Variants in SLC5A4 observed in about 807,000 individuals in gnomAD.
The protein encoded by SLC5A4 is probable glucose sensor protein SLC5A4.
SLC5A4 carries 55 observed loss-of-function variants against 70.3 expected under a neutral mutation model. That is an observed-to-expected ratio of 0.78 (90% CI 0.63 to 0.98). SLC5A4 has a LOEUF of 0.98. SLC5A4 is among the 50% of genes least tolerant of loss of function. The probability of loss-of-function intolerance (pLI) is 0.00; values close to 1 mark genes in which losing one functional copy is unlikely to be tolerated. For missense variants in SLC5A4, 735 were observed against 839.2 expected, an observed-to-expected ratio of 0.88 and a Z score of 1.53; for synonymous variants, 268 against 305.7, an observed-to-expected ratio of 0.88 and a Z score of 1.29.
At chr22:32,348,108 C>T in the SLC5A4 span, among the ~76,000 whole-genome samples, 157 of 152,268 alleles carry the variant, frequency 1.0e-3, 1 homozygote, top group Non-Finnish European at 1.7e-3. Context: ...AGTAAATCCT[C>T]CATAAACATG....
chr22:32,232,151 G>A (rs1925797887), intron 9 of SLC5A4, among the ~76,000 whole-genome samples: 1 of 152,192 alleles, frequency 6.6e-6, no homozygotes, highest in Non-Finnish European at 1.5e-5. Context: ...AAGTGGGTGA[G>A]GTTACAGGCG....
intron 1 of SLC5A4, among the ~76,000 whole-genome samples, chr22:32,254,672 C>CGG (rs1569384953): frequency 1.8e-4 from 27 of 151,962 alleles, no homozygotes; most frequent in African/African-American, 6.5e-4. Context: ...GGCGTGGTGG[C>CGG]GCATGCCTGT....
chr22:32,259,999 G>A (rs1239224512), upstream of SLC5A4, among the ~76,000 whole-genome samples: 1 of 152,228 alleles, frequency 6.6e-6, no homozygotes, highest in African/African-American at 2.4e-5. Context: ...CCCAGGAAGG[G>A]CAGGGGAGCA....
chr22:32,236,258 T>C (rs1262514157), intron 7 of SLC5A4, among the ~76,000 whole-genome samples: 1 of 152,176 alleles, frequency 6.6e-6, no homozygotes, highest in Non-Finnish European at 1.5e-5. Flanking sequence ...CAAAGATAAA[T>C]ACCATAATAA....
intron 3 of SLC5A4, among the ~76,000 whole-genome samples, chr22:32,250,981 A>C (rs778919039): frequency 4.6e-5 from 7 of 151,880 alleles, no homozygotes; most frequent in Non-Finnish European, 7.4e-5. Context: ...GGAGAGGGAG[A>C]GCATTAGAAC....
chr22:32,302,718 T>G, the SLC5A4 span, among the ~76,000 whole-genome samples: 12 of 152,244 alleles, frequency 7.9e-5, no homozygotes, highest in Non-Finnish European at 1.5e-5. Context: ...GACTTGATTG[T>G]TATAGCTATA....
the SLC5A4 span, among the ~76,000 whole-genome samples, chr22:32,317,136 C>T: frequency 6.6e-6 from 1 of 151,970 alleles, no homozygotes; most frequent in South Asian, 2.1e-4. Flanking sequence ...CCAAACCAAA[C>T]TTTGCCACCA....
At chr22:32,290,261 C>G in the SLC5A4 span, among the ~76,000 whole-genome samples, 17 of 152,198 alleles carry the variant, frequency 1.1e-4, no homozygotes, top group African/African-American at 4.1e-4. Flanking sequence ...CCCCCATCCC[C>G]TGACAGGCCC....
the SLC5A4 span, among the ~76,000 whole-genome samples, chr22:32,303,903 T>C: frequency 2.0e-5 from 3 of 152,238 alleles, no homozygotes; most frequent in South Asian, 6.2e-4. Flanking sequence ...GGGTACCATT[T>C]TGCATTCCCA....
chr22:32,260,574 G>A, the SLC5A4 span, among the ~76,000 whole-genome samples: 2,661 of 151,944 alleles, frequency 0.018, 85 homozygotes, highest in African/African-American at 0.062. Context: ...GGATAGACAG[G>A]GAAAGAAACA....
intron 5 of SLC5A4, 76 bp downstream of exon 5, chr22:32,247,335 A>G: frequency 1.2e-6 from 1 of 829,896 alleles, no homozygotes; most frequent in Non-Finnish European, 2.1e-6. Context: ...CTACACATCC[A>G]GCTCTCTGAT....
the SLC5A4 span, among the ~76,000 whole-genome samples, chr22:32,309,967 C>T: frequency 2.6e-3 from 399 of 151,434 alleles, 3 homozygotes; most frequent in Middle Eastern, 0.024. Flanking sequence ...AGCCCAGCTG[C>T]CCAAGAGGGA....
the SLC5A4 span, chr22:32,270,274 T>G: frequency 1.3e-6 from 1 of 759,266 alleles, no homozygotes; most frequent in Non-Finnish European, 2.4e-6. Context: ...GTCTGAAGAG[T>G]TTCAGAACAA....
chr22:32,275,642 A>G, the SLC5A4 span, among the ~76,000 whole-genome samples: 1 of 152,160 alleles, frequency 6.6e-6, no homozygotes, highest in South Asian at 2.1e-4. Flanking sequence ...GTTGGTTCCA[A>G]GTCTTTGCTA....
the SLC5A4 span, among the ~76,000 whole-genome samples, chr22:32,350,544 G>A: frequency 6.6e-6 from 1 of 152,102 alleles, no homozygotes; most frequent in Non-Finnish European, 1.5e-5. Flanking sequence ...AGGAGACTGT[G>A]ATGCCTTTAG....
chr22:32,284,287 A>G, the SLC5A4 span, among the ~76,000 whole-genome samples: 1 of 152,234 alleles, frequency 6.6e-6, no homozygotes, highest in Non-Finnish European at 1.5e-5. Context: ...TTTTTAAACC[A>G]AGTCCTCATT....
the SLC5A4 span, among the ~76,000 whole-genome samples, chr22:32,355,048 G>C: frequency 6.6e-6 from 1 of 151,936 alleles, no homozygotes; most frequent in Admixed American, 6.5e-5. Flanking sequence ...GCTGACGCAG[G>C]AGAGCTTGGA....
chr22:32,266,182 G>A, the SLC5A4 span, among the ~76,000 whole-genome samples: 1 of 152,192 alleles, frequency 6.6e-6, no homozygotes, highest in Non-Finnish European at 1.5e-5. Context: ...ATCTTGTGAA[G>A]AGCAAGTAGT....
At chr22:32,230,110 C>G (rs1323476948) in intron 10 of SLC5A4, among the ~76,000 whole-genome samples, 1 of 152,076 alleles carries the variant, frequency 6.6e-6, no homozygotes, top group Non-Finnish European at 1.5e-5. Flanking sequence ...CCTAAGCCTC[C>G]TAGGACAGAG....
Sources: gnomAD v4.1 joint callset for allele counts (sites outside exome capture counted in the v4.1 genomes callset) on GRCh38, gnomAD v4.1.1 for gene constraint, MANE v1.5 for transcripts, NCBI Gene and HGNC (gene_info 2026-07-23, HGNC 2026-07-21) for gene names.